ZNF273: variants seen among roughly 807,000 people sequenced by gnomAD.
The protein encoded by ZNF273 is zinc finger protein 273.
Under a neutral mutation model 14.9 loss-of-function variants are expected in ZNF273, and 11 were observed. The observed-to-expected ratio is 0.74, with a 90% CI of 0.46 to 1.22. ZNF273 has a LOEUF of 1.22. Among genes scored for constraint, ZNF273 ranks in the 50% most tolerant of loss-of-function variants. ZNF273 has a pLI of 0.00. For missense variants in ZNF273, 577 were observed against 660.6 expected, an observed-to-expected ratio of 0.87 and a Z score of 1.39; for synonymous variants, 199 against 223.9, an observed-to-expected ratio of 0.89 and a Z score of 0.99.
At chr7:64,921,637 T>TTTTTTTTTTTTTTTTTTTTTTTTTTTTTG (rs750737426) in intron 3 of ZNF273, among the ~76,000 whole-genome samples, 2 of 29,578 alleles carry the variant, frequency 6.8e-5, no homozygotes, top group African/African-American at 3.1e-4. Flanking sequence ...TTTTTTTTTT[T>TTTTTTTTTTTTTTTTTTTTTTTTTTTTTG]GTGTGTGAGA....
At chr7:64,904,132 G>A (rs1792924141) in intron 1 of ZNF273, among the ~76,000 whole-genome samples, 1 of 152,138 alleles carries the variant, frequency 6.6e-6, no homozygotes, top group Non-Finnish European at 1.5e-5. Flanking sequence ...CTGTCGCTCA[G>A]GCTGGAGTGC....
intron 1 of ZNF273, among the ~76,000 whole-genome samples, chr7:64,878,033 T>G (rs779505982): frequency 6.6e-6 from 1 of 152,018 alleles, no homozygotes; most frequent in Non-Finnish European, 1.5e-5. Context: ...GGTGTGGGTG[T>G]GTGTGTGTTT....
downstream of ZNF273, among the ~76,000 whole-genome samples, chr7:64,933,880 C>A (rs1795038895): frequency 6.6e-6 from 1 of 152,118 alleles, no homozygotes; most frequent in Admixed American, 6.5e-5. Context: ...ATGGTGAGAG[C>A]ACTTCACATT....
chr7:64,918,945 T>A (rs570703944), intron 3 of ZNF273, among the ~76,000 whole-genome samples: 1 of 152,178 alleles, frequency 6.6e-6, no homozygotes, highest in African/African-American at 2.4e-5. Flanking sequence ...TTTGAGAAAC[T>A]CTGTGTTAAA....
At chr7:64,884,070 A>C (rs1791437036), downstream of ZNF273, among the ~76,000 whole-genome samples, 2 of 152,108 alleles carry the variant, frequency 1.3e-5, no homozygotes, top group African/African-American at 4.8e-5. Context: ...CTAATATTCT[A>C]GGCTCTTTTT....
At chr7:64,892,537 C>T (rs1455063316), downstream of ZNF273, among the ~76,000 whole-genome samples, 1 of 152,056 alleles carries the variant, frequency 6.6e-6, no homozygotes, top group Admixed American at 6.6e-5. Context: ...GGGTGATACC[C>T]GAGATTTGTT....
intron 3 of ZNF273, among the ~76,000 whole-genome samples, chr7:64,921,855 C>T (rs1339545732): frequency 6.6e-6 from 1 of 151,890 alleles, no homozygotes; most frequent in Non-Finnish European, 1.5e-5. Flanking sequence ...TCTCGAACTC[C>T]TGACCTCAGG....
At chr7:64,896,608 A>T (rs1444574657) in intron 3 of ZNF273, among the ~76,000 whole-genome samples, 1 of 152,140 alleles carries the variant, frequency 6.6e-6, no homozygotes, top group African/African-American at 2.4e-5. Context: ...TTACTATAAT[A>T]TATTTAGAAG....
intron 3 of ZNF273, chr7:64,923,734 T>A (rs1794634909): frequency 5.3e-6 from 1 of 186,962 alleles, no homozygotes; most frequent in Non-Finnish European, 1.1e-5. Flanking sequence ...AACAATGGTA[T>A]AATAATTATG....
chr7:64,920,032 C>T (rs749826657), intron 3 of ZNF273, among the ~76,000 whole-genome samples: 12 of 151,956 alleles, frequency 7.9e-5, no homozygotes, highest in Admixed American at 2.6e-4. Flanking sequence ...ACAAACACAT[C>T]TTCAAGTTTT....
downstream of ZNF273, among the ~76,000 whole-genome samples, chr7:64,935,314 C>A (rs185761452): frequency 6.6e-6 from 1 of 152,174 alleles, no homozygotes; most frequent in Non-Finnish European, 1.5e-5. Context: ...TAAGACTGAT[C>A]GAAGTGGGCC....
chr7:64,933,270 G>T (rs1325183525), downstream of ZNF273: 1 of 152,210 alleles, frequency 6.6e-6, no homozygotes, highest in South Asian at 2.1e-4. Context: ...ACTGCGCCCG[G>T]TCTCACTTTT....
Position 64,928,258 on chromosome 7 carries a change from A to G in ZNF273, c.930A>G (p.Ile310Met). ...TTTCAGTCCTTACTAAACATAAGAT[A>G]ATTCATACAGGAACAAAACCCTACA... ...SVFSVLTKHKIIHTGTKPYNC... is the reference protein window; with the variant it reads ...SVFSVLTKHKMIHTGTKPYNC... The change falls in exon 4 of 4, where the codon ATA becomes ATG. Residue 310 changes from isoleucine to methionine, a missense_variant. This residue lies in a region of ZNF273 where 411 missense variants were observed against 440.4 expected (regional missense o/e 0.93). Coordinates refer to ENST00000476120, the MANE Select transcript of ZNF273 (RefSeq NM_021148.3). The G allele has an allele frequency of 2.5e-6, 4 of 1,612,842 alleles. No individual in the cohort carries two copies. Among genetic ancestry groups the G allele is most frequent in the South Asian group, 2.2e-5 (2 of 90,916 alleles).
chr7:64,925,338 T>G (rs1794721070), intron 3 of ZNF273, among the ~76,000 whole-genome samples: 1 of 152,128 alleles, frequency 6.6e-6, no homozygotes, highest in Admixed American at 6.5e-5. Flanking sequence ...ACAGATATTT[T>G]TTGGGGTACC....
At chr7:64,887,388 G>T (rs888030429) in intron 1 of ZNF273, among the ~76,000 whole-genome samples, 3 of 152,190 alleles carry the variant, frequency 2.0e-5, no homozygotes, top group Non-Finnish European at 4.4e-5. Flanking sequence ...ATGTGGCCCT[G>T]CATGGCAGGC....
chr7:64,919,481 A>G (rs1794274877), intron 3 of ZNF273, among the ~76,000 whole-genome samples: 1 of 151,976 alleles, frequency 6.6e-6, no homozygotes, highest in African/African-American at 2.4e-5. Flanking sequence ...TATTTACTAA[A>G]AATACAAAAA....
chr7:64,883,041 T>A (rs994733746), downstream of ZNF273, among the ~76,000 whole-genome samples: 1 of 152,162 alleles, frequency 6.6e-6, no homozygotes, highest in South Asian at 2.1e-4. Context: ...GAAAGGAATA[T>A]GGCTCAAGCA....
At chr7:64,917,748 T>C (rs2129082511) in intron 2 of ZNF273, 41 bp downstream of exon 2, 1 of 1,520,422 alleles carries the variant, frequency 6.6e-7, no homozygotes. Context: ...GTTTCACTTC[T>C]CCTTTCTGTA....
chr7:64,927,773 G>A lies in ZNF273; in HGVS notation c.445G>A (p.Gly149Ser), dbSNP rs774652844. The A allele has an allele frequency of 7.4e-6, 12 of 1,613,624 alleles. No individual in the cohort carries two copies. Among genetic ancestry groups the A allele is most frequent in the Non-Finnish European group, 1.0e-5 (12 of 1,179,944 alleles). ...YGHENLQLRKGCKSADEHKVH... is the reference protein window; with the variant it reads ...YGHENLQLRKSCKSADEHKVH... ...ACATGAGAATTTACAATTAAGAAAA[G>A]GCTGTAAAAGTGCGGATGAGCATAA... is the stretch of plus-strand genomic sequence containing the variant. Residue 149 changes from glycine (G) to serine (S), a missense_variant, in exon 4 of 4, where the codon GGC (glycine) becomes AGC (serine). Physicochemically the swap from Gly to Ser is moderately conservative, Grantham distance 56 (BLOSUM62 0). This residue lies in a region of ZNF273 where 162 missense variants were observed against 203.5 expected (regional missense o/e 0.80). Coordinates refer to ENST00000476120, the MANE Select transcript of ZNF273 (RefSeq NM_021148.3).
Sources: allele counts gnomAD v4.1 joint callset (sites outside exome capture counted in the v4.1 genomes callset), GRCh38; gene constraint gnomAD v4.1.1; regional missense constraint gnomAD v4.1.1; transcripts MANE v1.5; gene names NCBI Gene and HGNC (gene_info 2026-07-23, HGNC 2026-07-21).